Variants in THSD7B observed in about 807,000 individuals in gnomAD.
THSD7B encodes the protein thrombospondin type 1 domain containing 7B.
THSD7B carries 138 observed loss-of-function variants against 213.6 expected under a neutral mutation model. The ratio of observed to expected loss-of-function variants is 0.65; its 90% confidence interval spans 0.56 to 0.74. The LOEUF is 0.74. Ranked by LOEUF, THSD7B falls within the 30% of genes least tolerant of loss-of-function variation. The pLI is 0.00. For synonymous variants in THSD7B, 742 were observed against 687.0 expected (o/e 1.08, Z -1.25); for missense variants, 1,931 against 1,991.5 (o/e 0.97, Z 0.58).
At chr2:137,275,396 A>G (rs765695372) in intron 11 of THSD7B, among the ~76,000 whole-genome samples, 64 of 152,188 alleles carry the variant, frequency 4.2e-4, no homozygotes, top group Non-Finnish European at 5.4e-4. Context: ...TTAAGTGTGA[A>G]GGTCTGTACC....
At chr2:137,040,224 A>C (rs10211353) in intron 2 of THSD7B, among the ~76,000 whole-genome samples, 88,260 of 151,976 alleles carry the variant, frequency 0.58, 29,601 homozygotes, top group Non-Finnish European at 0.73. Flanking sequence ...ATGCTTACAA[A>C]TGTGTTCCGG....
intron 15 of THSD7B, among the ~76,000 whole-genome samples, chr2:137,458,116 A>AC (rs1251506453): frequency 1.3e-5 from 2 of 152,058 alleles, no homozygotes; most frequent in Non-Finnish European, 2.9e-5. Context: ...CCTATGAAAA[A>AC]CTCACAAATT....
chr2:136,809,286 A>G (rs1056287036), intron 1 of THSD7B, among the ~76,000 whole-genome samples: 53 of 152,146 alleles, frequency 3.5e-4, no homozygotes, highest in African/African-American at 1.3e-3. Context: ...TGAGCCAGTC[A>G]GATGTCCTAA....
At chr2:136,871,012 T>C (rs911197415) in intron 1 of THSD7B, among the ~76,000 whole-genome samples, 3 of 93,806 alleles carry the variant, frequency 3.2e-5, no homozygotes, top group Admixed American at 2.1e-4. Flanking sequence ...ACTGGATAGA[T>C]TGCAAAGGTA....
chr2:136,957,635 C>T (rs78978800), intron 2 of THSD7B, among the ~76,000 whole-genome samples: 2,500 of 151,980 alleles, frequency 0.016, 34 homozygotes, highest in Middle Eastern at 0.02. Flanking sequence ...CTACATAATG[C>T]GATAGAAACA....
chr2:137,037,425 T>C (rs949778463), intron 2 of THSD7B, among the ~76,000 whole-genome samples: 3 of 151,882 alleles, frequency 2.0e-5, no homozygotes, highest in South Asian at 2.1e-4. Context: ...TATATATATA[T>C]ACACACACGC....
chr2:136,923,067 T>C (rs1030804738), intron 2 of THSD7B, among the ~76,000 whole-genome samples: 7 of 152,212 alleles, frequency 4.6e-5, no homozygotes, highest in Non-Finnish European at 8.8e-5. Flanking sequence ...AACATTTTCA[T>C]CTTGCAACTC....
intron 2 of THSD7B, among the ~76,000 whole-genome samples, chr2:136,931,818 A>G (rs1684634502): frequency 6.6e-6 from 1 of 152,216 alleles, no homozygotes; most frequent in Non-Finnish European, 1.5e-5. Context: ...CTTTTAATAT[A>G]TAACACTTAT....
intron 2 of THSD7B, among the ~76,000 whole-genome samples, chr2:137,039,009 A>G (rs1032003342): frequency 6.6e-6 from 1 of 152,178 alleles, no homozygotes; most frequent in Non-Finnish European, 1.5e-5. Flanking sequence ...ATGGAGAGGG[A>G]TAGTTCTGAA....
intron 15 of THSD7B, among the ~76,000 whole-genome samples, chr2:137,485,880 A>G (rs1688429261): frequency 6.6e-6 from 1 of 152,130 alleles, no homozygotes; most frequent in Admixed American, 6.5e-5. Flanking sequence ...CCAGAATTTC[A>G]TATCCAGCCA....
At chr2:136,881,738 G>A (rs1393669381) in intron 1 of THSD7B, among the ~76,000 whole-genome samples, 1 of 152,066 alleles carries the variant, frequency 6.6e-6, no homozygotes, top group Non-Finnish European at 1.5e-5. Context: ...ATAAACATGA[G>A]TTAACCACCT....
At chr2:136,876,401 G>C (rs1256573711) in intron 1 of THSD7B, among the ~76,000 whole-genome samples, 1 of 152,208 alleles carries the variant, frequency 6.6e-6, no homozygotes, top group African/African-American at 2.4e-5. Flanking sequence ...AATTGGCAAT[G>C]ATGTCTTCTG....
At chr2:137,125,237 G>A (rs1688611748) in intron 5 of THSD7B, among the ~76,000 whole-genome samples, 2 of 152,082 alleles carry the variant, frequency 1.3e-5, no homozygotes, top group African/African-American at 4.8e-5. Context: ...AGCATGAGAG[G>A]TTGTTTGATA....
chr2:137,585,972 A>C (rs1681715912), intron 17 of THSD7B, among the ~76,000 whole-genome samples: 1 of 152,088 alleles, frequency 6.6e-6, no homozygotes. Context: ...TGGGAGTCTA[A>C]GTCTCTTTGT....
intron 2 of THSD7B, among the ~76,000 whole-genome samples, chr2:136,944,032 T>C (rs1684880627): frequency 6.6e-6 from 1 of 152,244 alleles, no homozygotes; most frequent in South Asian, 2.1e-4. Flanking sequence ...GCTATACATT[T>C]CCCTCTATAC....
At chr2:137,355,654 T>A (rs921381716) in intron 12 of THSD7B, among the ~76,000 whole-genome samples, 1 of 152,066 alleles carries the variant, frequency 6.6e-6, no homozygotes, top group Non-Finnish European at 1.5e-5. Context: ...TCCCAAAGAG[T>A]TGCAAATATA....
rs796424081 is a variant in THSD7B, at chr2:137,389,220, CAAAAT to C, written c.2501-16390_2501-16386del. Among the ~76,000 whole-genome samples, 41 of 61,706 alleles carry C rather than the reference CAAAAT, an allele frequency of 6.6e-4. 1 individual carries two copies. In the South Asian group the frequency reaches 0.026, roughly 39 times the overall value. The allele number at this position is 61,706 out of a possible 152,430, so 40.5% of individuals were successfully genotyped here. ...TATATATATATATATATATATATGA[CAAAAT>C]AATATATATATATAGAGAGAGTTTT... On this transcript the variant is annotated intron_variant, in intron 12 of 27. Coordinates refer to ENST00000409968, the MANE Select transcript of THSD7B (RefSeq NM_001316349.2).
At chr2:136,891,378 T>C (rs896713887) in intron 2 of THSD7B, among the ~76,000 whole-genome samples, 1 of 152,228 alleles carries the variant, frequency 6.6e-6, no homozygotes, top group Non-Finnish European at 1.5e-5. Context: ...TGGGCTTCAC[T>C]GTCAAAATAT....
chr2:137,659,614 G>T (rs1317518359), intron 24 of THSD7B, 50 bp from the exon 25 acceptor site: 1 of 1,507,264 alleles, frequency 6.6e-7, no homozygotes, highest in East Asian at 2.5e-5. Context: ...CAAAAAATTA[G>T]AAATATCTAA....
Sources: gnomAD v4.1 joint callset for allele counts (sites outside exome capture counted in the v4.1 genomes callset) on GRCh38, gnomAD v4.1.1 for gene constraint, MANE v1.5 for transcripts, NCBI Gene and HGNC (gene_info 2026-07-23, HGNC 2026-07-21) for gene names.